Variants in OTOA observed in about 807,000 individuals in gnomAD.
The protein encoded by OTOA is cancer/testis antigen 108.
A neutral mutation model predicts 110.8 loss-of-function variants in OTOA; 70 were observed. The ratio of observed to expected loss-of-function variants is 0.63; its 90% CI spans 0.52 to 0.77. OTOA has a LOEUF of 0.77. Among genes scored for constraint, OTOA ranks in the 30% least tolerant of loss-of-function variants. The probability of loss-of-function intolerance (pLI) is 0.00; values close to 1 mark genes in which losing one functional copy is unlikely to be tolerated. For synonymous variants in OTOA, 373 were observed against 431.5 expected, an observed-to-expected ratio of 0.86 and a Z score of 1.68; for missense variants, 917 against 1,075.8, an observed-to-expected ratio of 0.85 and a Z score of 2.06.
intron 21 of OTOA, among the ~76,000 whole-genome samples, chr16:21,731,850 A>G (rs1405900548): frequency 6.6e-6 from 1 of 152,246 alleles, no homozygotes; most frequent in African/African-American, 2.4e-5. Context: ...AACACACACA[A>G]CTTCACCTAG....
chr16:21,710,982 G>A (rs946498981), intron 13 of OTOA, among the ~76,000 whole-genome samples: 9 of 152,062 alleles, frequency 5.9e-5, no homozygotes, highest in South Asian at 2.1e-4. Flanking sequence ...CAGCCTGGGC[G>A]ACAGAGCAAG....
chr16:21,671,606 AAG>A, intron 1 of OTOA, among the ~76,000 whole-genome samples: 1 of 148,012 alleles, frequency 6.8e-6, no homozygotes, highest in East Asian at 2.0e-4. Context: ...AAAAAGAAAA[AAG>A]AAAAAAGAAA....
intron 9 of OTOA, among the ~76,000 whole-genome samples, chr16:21,697,287 G>A (rs901559636): frequency 2.0e-5 from 3 of 152,036 alleles, no homozygotes; most frequent in African/African-American, 7.2e-5. Context: ...CACATCCTAC[G>A]TGTGATCTCA....
chr16:21,758,569 T>A (rs1438702083), intron 28 of OTOA, among the ~76,000 whole-genome samples: 1 of 149,762 alleles, frequency 6.7e-6, no homozygotes, highest in Non-Finnish European at 1.5e-5. Flanking sequence ...TTTTCCTGAC[T>A]TGAATGTCTC....
At chr16:21,708,361 G>A (rs577784599) in intron 12 of OTOA, among the ~76,000 whole-genome samples, 3 of 152,182 alleles carry the variant, frequency 2.0e-5, no homozygotes, top group South Asian at 4.2e-4. Context: ...GAGCTCAGGC[G>A]GTAATGCTCA....
In OTOA at chr16:21,726,565, C is replaced by A; in HGVS notation, c.1923C>A (p.Pro641=). 6.2e-7 allele frequency: 1 copy of A among 1,614,052 alleles called. No individual in the cohort carries two copies. Among genetic ancestry groups the A allele is most frequent in the Non-Finnish European group, 8.5e-7 (1 of 1,179,994 alleles). Residue 641 remains proline, a synonymous_variant, in exon 19 of 29, where the codon CCC becomes CCA. Transcript: ENST00000646100. ...CTGTCCCAGCCTCCCAGTGTGTGCC[C>A]TTTCTGATCAGCCTGGGGAAGAGCT... ...LASVPASQCV[P]FLISLGKSWL... is the part of the protein sequence containing the mutation.
chr16:21,718,669 T>C (rs750018993), intron 15 of OTOA, among the ~76,000 whole-genome samples: 17 of 152,132 alleles, frequency 1.1e-4, no homozygotes, highest in African/African-American at 7.2e-5. Flanking sequence ...AGAGTGCTCA[T>C]TGGGGGGTGG....
intron 5 of OTOA, 126 bp downstream of exon 5, chr16:21,679,337 T>A: frequency 9.0e-7 from 1 of 1,105,694 alleles, no homozygotes; most frequent in Non-Finnish European, 1.3e-6. Context: ...ATGCACAATG[T>A]GTTAAAAGTC....
intron 8 of OTOA, among the ~76,000 whole-genome samples, chr16:21,688,270 C>T (rs1350211382): frequency 6.6e-6 from 1 of 151,958 alleles, no homozygotes; most frequent in Non-Finnish European, 1.5e-5. Context: ...CGCCTGTAAT[C>T]TCAGCTACTT....
At chr16:21,703,521 C>A (rs1898093748) in intron 11 of OTOA, among the ~76,000 whole-genome samples, 1 of 152,136 alleles carries the variant, frequency 6.6e-6, no homozygotes, top group Non-Finnish European at 1.5e-5. Context: ...ATCCATTCAT[C>A]CACTGACGTG....
intron 20 of OTOA, 55 bp downstream of exon 20, chr16:21,728,486 A>C (rs759586650): frequency 6.3e-6 from 10 of 1,579,888 alleles, no homozygotes; most frequent in Non-Finnish European, 8.6e-6. Context: ...GTGGAGGGAC[A>C]CTCAACCTTG....
Position 21,757,067 on chromosome 16 carries a change from C to A in OTOA, c.3154-15C>A, listed in dbSNP as rs1900007085. On this transcript the variant is annotated splice_polypyrimidine_tract_variant and intron_variant, in intron 27 of 28. Coordinates refer to ENST00000646100, the MANE Select transcript of OTOA (RefSeq NM_144672.4). ...GGGGCCCCGTGTGAGGGTGCTGCCCCTTTGCCTCCTGCAGGAGCTGTCCGC... is the reference window on the plus strand; with the variant it reads ...GGGGCCCCGTGTGAGGGTGCTGCCCATTTGCCTCCTGCAGGAGCTGTCCGC... 2.5e-6 allele frequency: 1 copy of A among 393,436 alleles called. No individual in the cohort carries two copies. Among genetic ancestry groups the A allele is most frequent in the Non-Finnish European group, 4.4e-6 (1 of 225,472 alleles). The allele number at this position is 393,436 out of a possible 1,614,324, so 24.4% of individuals were successfully genotyped here. A position where few individuals can be genotyped will look rare whatever the true frequency, so the allele number is the denominator to read the frequency against.
chr16:21,691,544 C>T (rs1897829081), intron 8 of OTOA, 40 bp from the exon 9 acceptor site: 2 of 1,548,388 alleles, frequency 1.3e-6, no homozygotes, highest in African/African-American at 1.4e-5. Context: ...CAGCCCCCAC[C>T]TGCTTGTTAT....
chr16:21,693,697 T>A (rs1163145471), intron 9 of OTOA, among the ~76,000 whole-genome samples: 1 of 152,114 alleles, frequency 6.6e-6, no homozygotes, highest in Non-Finnish European at 1.5e-5. Context: ...TTCTCTCAGC[T>A]CCTGAATAGC....
At chr16:21,722,513 G>A (rs1898788803) in intron 17 of OTOA, among the ~76,000 whole-genome samples, 1 of 151,458 alleles carries the variant, frequency 6.6e-6, no homozygotes, top group Non-Finnish European at 1.5e-5. Context: ...ATATGCACAT[G>A]CATAAAATAG....
intron 12 of OTOA, among the ~76,000 whole-genome samples, chr16:21,706,940 A>C (rs1597826447): frequency 6.6e-6 from 1 of 151,430 alleles, no homozygotes; most frequent in East Asian, 2.0e-4. Flanking sequence ...TCCGGGTTCA[A>C]GTGGCACAAT....
In OTOA at chr16:21,719,211, C is replaced by T. The variant is rs1898649042; in HGVS notation, c.1688+20C>T. Reference sequence around the variant, plus strand: ...TTTGAGGTAGGAAAATGTAACTCGGCCTGGGTGCTGAACAGGCCTTTCAGA... The same window carrying T: ...TTTGAGGTAGGAAAATGTAACTCGGTCTGGGTGCTGAACAGGCCTTTCAGA... On this transcript the variant is annotated intron_variant, in intron 16 of 28. Transcript: ENST00000646100. The T allele has an allele frequency of 1.2e-6, 2 of 1,613,972 alleles. No individual in the cohort carries two copies. The highest frequency in any genetic ancestry group is 1.7e-6 in the Non-Finnish European group (2 of 1,179,884).
chr16:21,681,993 C>T lies in OTOA; in HGVS notation c.267+168C>T, dbSNP rs563142507. ...TGAAACATGATATAAGCTATTTTGT[C>T]TTTCTTTCATTTTCCCACCTTTGAT... On this transcript the variant is annotated intron_variant, in intron 6 of 28. Transcript: ENST00000646100. Among the ~76,000 whole-genome samples, 3 of 152,276 alleles carry T rather than the reference C, an allele frequency of 2.0e-5. No homozygotes were observed. In the South Asian group the frequency reaches 6.2e-4, roughly 32 times the overall value.
rs200265740 is a variant in OTOA, at chr16:21,737,602, C to T, written c.2431+1212C>T. On this transcript the variant is annotated intron_variant, in intron 22 of 28. Coordinates refer to ENST00000646100, the MANE Select transcript of OTOA (RefSeq NM_144672.4). ...CAGCAATCATGGTTCACTACAGCCTCGACCTCCTGGACTCAAGGGATCCTC... is the reference window on the plus strand; with the variant it reads ...CAGCAATCATGGTTCACTACAGCCTTGACCTCCTGGACTCAAGGGATCCTC... Among the ~76,000 whole-genome samples, 782 of 107,136 alleles carry T rather than the reference C, an allele frequency of 7.3e-3. No individual in the cohort carries two copies. In the East Asian group the frequency reaches 0.098, roughly 13 times the overall value. 70.3% of individuals were successfully genotyped at this position (107,136 alleles called of 152,430 possible). A position where few individuals can be genotyped will look rare whatever the true frequency, so the allele number is the denominator to read the frequency against.
Sources: gnomAD v4.1 joint callset for allele counts (sites outside exome capture counted in the v4.1 genomes callset) on GRCh38, gnomAD v4.1.1 for gene constraint, MANE v1.5 for transcripts, NCBI Gene and HGNC (gene_info 2026-07-23, HGNC 2026-07-21) for gene names.